The following AKAP19 variants were observed in gnomAD, a reference collection of about 807,000 sequenced individuals.
AKAP19 encodes A-kinase anchoring protein 19, also known as small A-kinase anchoring protein.
chr2:190,137,226 C>G, the AKAP19 span, among the ~76,000 whole-genome samples: 1 of 151,978 alleles, frequency 6.6e-6, no homozygotes, highest in South Asian at 2.1e-4. Flanking sequence ...TTTTGATAAG[C>G]AGTAAGAAAA....
the AKAP19 span, among the ~76,000 whole-genome samples, chr2:190,040,675 A>T: frequency 2.6e-5 from 4 of 152,302 alleles, no homozygotes; most frequent in Non-Finnish European, 5.9e-5. Flanking sequence ...TAAGTCTTTA[A>T]TCCATTTTGT....
chr2:189,902,696 C>T, the AKAP19 span, among the ~76,000 whole-genome samples: 1 of 151,704 alleles, frequency 6.6e-6, no homozygotes, highest in Non-Finnish European at 1.5e-5. Flanking sequence ...GAAATTATTC[C>T]TTTTTAGTCA....
At chr2:190,140,203 G>T in the AKAP19 span, among the ~76,000 whole-genome samples, 1 of 152,196 alleles carries the variant, frequency 6.6e-6, no homozygotes, top group Non-Finnish European at 1.5e-5. Context: ...TGGCTTTGCA[G>T]GTTATACTCC....
At chr2:190,124,522 C>A in the AKAP19 span, among the ~76,000 whole-genome samples, 1 of 151,790 alleles carries the variant, frequency 6.6e-6, no homozygotes. Context: ...CCAGCCTGGG[C>A]AAAATAGTAA....
At chr2:190,120,979 A>G in the AKAP19 span, among the ~76,000 whole-genome samples, 1 of 152,090 alleles carries the variant, frequency 6.6e-6, no homozygotes, top group Non-Finnish European at 1.5e-5. Context: ...TGTGACTATT[A>G]CCAGCTGCTT....
At chr2:190,084,481 G>A in the AKAP19 span, among the ~76,000 whole-genome samples, 12,339 of 152,204 alleles carry the variant, frequency 0.081, 649 homozygotes, top group Non-Finnish European at 0.11. Context: ...TATCTATCAT[G>A]ATAAATTGGT....
the AKAP19 span, among the ~76,000 whole-genome samples, chr2:189,994,412 A>G: frequency 6.6e-6 from 1 of 151,850 alleles, no homozygotes; most frequent in Non-Finnish European, 1.5e-5. Context: ...ATGCTCTTTC[A>G]GAATTTTTGA....
At chr2:189,902,128 T>G in the AKAP19 span, among the ~76,000 whole-genome samples, 2 of 152,026 alleles carry the variant, frequency 1.3e-5, no homozygotes, top group Non-Finnish European at 2.9e-5. Context: ...TAGGGCAAAA[T>G]TTTCATCTTT....
the AKAP19 span, among the ~76,000 whole-genome samples, chr2:190,085,217 A>G: frequency 6.6e-6 from 1 of 152,242 alleles, no homozygotes; most frequent in South Asian, 2.1e-4. Flanking sequence ...ATATTTTACC[A>G]TAGGAACAAT....
chr2:190,137,169 A>AT, the AKAP19 span, among the ~76,000 whole-genome samples: 1 of 152,226 alleles, frequency 6.6e-6, no homozygotes, highest in Non-Finnish European at 1.5e-5. Context: ...AATAATGTCA[A>AT]TTTTGTGCAG....
At chr2:189,949,144 T>A in the AKAP19 span, among the ~76,000 whole-genome samples, 10 of 152,270 alleles carry the variant, frequency 6.6e-5, no homozygotes, top group South Asian at 1.0e-3. Flanking sequence ...GAAAACCAAG[T>A]ATACAAAAAG....
At chr2:190,013,851 T>C in the AKAP19 span, among the ~76,000 whole-genome samples, 1 of 152,162 alleles carries the variant, frequency 6.6e-6, no homozygotes. Flanking sequence ...TAAAGATTTA[T>C]CTATTTTGTT....
the AKAP19 span, among the ~76,000 whole-genome samples, chr2:190,119,727 C>T: frequency 6.6e-6 from 1 of 152,048 alleles, no homozygotes; most frequent in South Asian, 2.1e-4. Flanking sequence ...TAACTCCTAC[C>T]ACAGTTAGTG....
chr2:189,905,815 T>C, the AKAP19 span, among the ~76,000 whole-genome samples: 142,209 of 151,994 alleles, frequency 0.94, 66,669 homozygotes, highest in East Asian at 0.98. Flanking sequence ...TTTCTTTCCA[T>C]GTTAGGGAAG....
At chr2:190,145,365 C>G in the AKAP19 span, among the ~76,000 whole-genome samples, 5 of 152,116 alleles carry the variant, frequency 3.3e-5, no homozygotes, top group African/African-American at 2.4e-5. Context: ...TTTATTCAAC[C>G]AGTTCCCTAC....
chr2:190,149,825 T>C, the AKAP19 span, among the ~76,000 whole-genome samples: 5 of 152,342 alleles, frequency 3.3e-5, no homozygotes, highest in South Asian at 8.3e-4. Context: ...TATATATCTG[T>C]TATGTCCATT....
the AKAP19 span, among the ~76,000 whole-genome samples, chr2:190,133,167 G>A: frequency 6.7e-6 from 1 of 148,250 alleles, no homozygotes; most frequent in African/African-American, 2.5e-5. Context: ...GAACCCAGGA[G>A]GCGGAGCTTG....
chr2:189,984,396 G>C, the AKAP19 span, among the ~76,000 whole-genome samples: 20,565 of 152,140 alleles, frequency 0.14, 1,566 homozygotes, highest in Middle Eastern at 0.25. Context: ...TGAAAGAAGA[G>C]AAATATGGCT....
At chr2:190,151,399 C>G in the AKAP19 span, among the ~76,000 whole-genome samples, 1 of 152,246 alleles carries the variant, frequency 6.6e-6, no homozygotes, top group South Asian at 2.1e-4. Flanking sequence ...AGTGTTGTTC[C>G]CCTCCCTGTG....
Sources: allele counts gnomAD v4.1 joint callset (sites outside exome capture counted in the v4.1 genomes callset), GRCh38; gene constraint gnomAD v4.1.1; transcripts MANE v1.5; gene names NCBI Gene and HGNC (gene_info 2026-07-23, HGNC 2026-07-21).